TYW1B: variants seen among roughly 807,000 people sequenced by gnomAD.
TYW1B encodes tRNA-yW synthesizing protein 1 homolog B, also known as S-adenosyl-L-methionine-dependent tRNA 4-demethylwyosine synthase TYW1B.
Under a neutral mutation model 86.9 loss-of-function variants are expected in TYW1B, and 73 were observed. The ratio of observed to expected loss-of-function variants is 0.84; its 90% CI spans 0.70 to 1.02. The LOEUF (loss-of-function observed/expected upper bound fraction) is 1.02, where lower values mean the gene tolerates loss of function less well. Among genes scored for constraint, TYW1B ranks in the 50% least tolerant of loss-of-function variants. TYW1B has a pLI of 0.00. For missense variants in TYW1B, 637 were observed against 827.4 expected (o/e 0.77, Z 2.82); for synonymous variants, 248 against 292.8 (o/e 0.85, Z 1.56).
chr7:72,753,770 C>T lies in TYW1B; in HGVS notation c.965-9169G>A, dbSNP rs782261899. ...CTGAGATTACAGGCGTGAGCCACTG[C>T]GTCCGGCCCAATCATTAGCAATTTT... On this transcript the variant is annotated intron_variant, in intron 7 of 13. Coordinates refer to ENST00000620995, the MANE Select transcript of TYW1B (RefSeq NM_001145440.3). 5.4e-4 allele frequency among the ~76,000 whole-genome samples: 82 copies of T among 152,104 alleles called. 1 individual carries two copies. Among genetic ancestry groups the T allele is most frequent in the African/African-American group, 1.8e-3 (75 of 41,498 alleles).
chr7:72,631,370 C>A (rs1471688971), intron 11 of TYW1B, among the ~76,000 whole-genome samples: 1 of 151,988 alleles, frequency 6.6e-6, no homozygotes, highest in Non-Finnish European at 1.5e-5. Flanking sequence ...AAAAATTAGC[C>A]AGGCATGGTG....
intron 13 of TYW1B, among the ~76,000 whole-genome samples, chr7:72,582,147 T>C (rs1811169547): frequency 6.9e-6 from 1 of 145,818 alleles, no homozygotes; most frequent in Non-Finnish European, 1.5e-5. Flanking sequence ...TTAGTAGTTC[T>C]AGACAGAAAG....
chr7:72,760,273 G>A (rs1483757230), intron 7 of TYW1B, among the ~76,000 whole-genome samples: 1 of 152,140 alleles, frequency 6.6e-6, no homozygotes, highest in East Asian at 1.9e-4. Flanking sequence ...AGGGGTTGGG[G>A]GATGGTATAA....
chr7:72,615,506 A>G (rs1401577620), intron 13 of TYW1B, among the ~76,000 whole-genome samples: 3 of 152,182 alleles, frequency 2.0e-5, no homozygotes, highest in Non-Finnish European at 4.4e-5. Context: ...TGATTTCTAG[A>G]AATAATCTTC....
intron 8 of TYW1B, among the ~76,000 whole-genome samples, chr7:72,731,382 C>T (rs550762629): frequency 4.8e-5 from 4 of 82,530 alleles, no homozygotes; most frequent in African/African-American, 1.4e-4. Flanking sequence ...CTATGGAAGA[C>T]TACCAAACTG....
intron 13 of TYW1B, among the ~76,000 whole-genome samples, chr7:72,586,133 C>G (rs1487862824): frequency 6.6e-6 from 1 of 152,100 alleles, no homozygotes; most frequent in African/African-American, 2.4e-5. Context: ...TAACGCTAAC[C>G]GAGGGAACAG....
chr7:72,810,397 T>C (rs1788584522), intron 4 of TYW1B, 74 bp downstream of exon 4: 4 of 1,445,526 alleles, frequency 2.8e-6, no homozygotes, highest in Non-Finnish European at 3.8e-6. Flanking sequence ...TGTGTTTGTG[T>C]GTGTGTACGT....
At chr7:72,695,389 T>C (rs1814291933) in intron 10 of TYW1B, among the ~76,000 whole-genome samples, 1 of 152,188 alleles carries the variant, frequency 6.6e-6, no homozygotes, top group African/African-American at 2.4e-5. Context: ...GGGAACTTTA[T>C]GTAGTGCAGA....
chr7:72,719,253 C>T (rs554053365), intron 9 of TYW1B, among the ~76,000 whole-genome samples: 1 of 151,944 alleles, frequency 6.6e-6, no homozygotes, highest in South Asian at 2.1e-4. Context: ...GCTCAGGTGA[C>T]CCTCCCGCCT....
chr7:72,650,069 GTT>G lies in TYW1B; in HGVS notation c.1507-21074_1507-21073del, dbSNP rs58355823. 4.3e-4 allele frequency among the ~76,000 whole-genome samples: 57 copies of G among 131,522 alleles called. No individual in the cohort carries two copies. In the South Asian group the frequency reaches 6.8e-3, roughly 16 times the overall value. The allele number at this position is 131,522 out of a possible 152,430, so 86.3% of individuals were successfully genotyped here. ...CATGCCTGGCCAATTTTTTTTGTTG[GTT>G]TTTTTTTTTTTTTTTGGTATTTTTA... On this transcript the variant is annotated intron_variant, in intron 11 of 13. Transcript: ENST00000620995.
intron 10 of TYW1B, among the ~76,000 whole-genome samples, chr7:72,696,457 A>G (rs1270284573): frequency 6.6e-6 from 1 of 152,196 alleles, no homozygotes; most frequent in Non-Finnish European, 1.5e-5. Flanking sequence ...TTCAAAGTCC[A>G]TGCATTTTTA....
intron 2 of TYW1B, among the ~76,000 whole-genome samples, chr7:72,817,419 A>C (rs868936888): frequency 1.3e-5 from 2 of 152,136 alleles, no homozygotes; most frequent in South Asian, 4.1e-4. Flanking sequence ...AAAAAAAAGA[A>C]AAAAGGTATT....
chr7:72,615,019 C>T (rs1314207077), intron 13 of TYW1B, among the ~76,000 whole-genome samples: 1 of 152,192 alleles, frequency 6.6e-6, no homozygotes, highest in Non-Finnish European at 1.5e-5. Context: ...ACCTAGTCAA[C>T]AAGTGGCAGT....
intron 3 of TYW1B, among the ~76,000 whole-genome samples, chr7:72,814,864 A>G (rs1216857448): frequency 6.6e-6 from 1 of 151,542 alleles, no homozygotes; most frequent in Non-Finnish European, 1.5e-5. Flanking sequence ...CAGGAATTTG[A>G]GACCAGCCTG....
intron 13 of TYW1B, among the ~76,000 whole-genome samples, chr7:72,577,455 C>G (rs1199820359): frequency 6.6e-6 from 1 of 152,194 alleles, no homozygotes; most frequent in Non-Finnish European, 1.5e-5. Flanking sequence ...CATTCTCTCT[C>G]CCAAGACAGA....
chr7:72,698,749 T>C (rs1333913540), intron 10 of TYW1B, among the ~76,000 whole-genome samples: 2 of 152,024 alleles, frequency 1.3e-5, no homozygotes, highest in Non-Finnish European at 2.9e-5. Context: ...CCCTGCACCA[T>C]GATGGCAAAA....
At chr7:72,680,353 A>C (rs1554448166) in intron 11 of TYW1B, among the ~76,000 whole-genome samples, 2 of 152,080 alleles carry the variant, frequency 1.3e-5, no homozygotes, top group East Asian at 3.9e-4. Flanking sequence ...CAGGCAGAAG[A>C]ACATGGAAAA....
At chr7:72,576,615 C>T (rs1222263367) in intron 13 of TYW1B, among the ~76,000 whole-genome samples, 2 of 151,888 alleles carry the variant, frequency 1.3e-5, no homozygotes, top group East Asian at 2.0e-4. Context: ...TGCGTTCACG[C>T]CATTCTCCTG....
intron 11 of TYW1B, among the ~76,000 whole-genome samples, chr7:72,685,805 A>G (rs1813995454): frequency 1.3e-5 from 2 of 152,178 alleles, no homozygotes; most frequent in South Asian, 4.1e-4. Context: ...AAAATTTAGT[A>G]AGTATTAAAC....
Sources: allele counts gnomAD v4.1 joint callset (sites outside exome capture counted in the v4.1 genomes callset), GRCh38; gene constraint gnomAD v4.1.1; transcripts MANE v1.5; gene names NCBI Gene and HGNC (gene_info 2026-07-23, HGNC 2026-07-21).